SLC12A2: variants seen among roughly 807,000 people sequenced by gnomAD.
SLC12A2 encodes the protein Na-K-2Cl cotransporter 1.
Under a neutral mutation model 136.3 loss-of-function variants are expected in SLC12A2, and 67 were observed. The observed-to-expected ratio is 0.49, with a 90% CI of 0.40 to 0.60. The LOEUF is 0.60. Among genes scored for constraint, SLC12A2 ranks in the 20% least tolerant of loss-of-function variants. The pLI, the probability that SLC12A2 is intolerant of heterozygous loss-of-function variation, is 0.00. For missense variants in SLC12A2, 1,322 were observed against 1,534.7 expected, an observed-to-expected ratio of 0.86 and a Z score of 2.32; for synonymous variants, 619 against 562.9, an observed-to-expected ratio of 1.10 and a Z score of -1.41.
At chr5:128,120,144 C>A (rs1416473750) in intron 4 of SLC12A2, among the ~76,000 whole-genome samples, 1 of 152,116 alleles carries the variant, frequency 6.6e-6, no homozygotes, top group Non-Finnish European at 1.5e-5. Flanking sequence ...AAACGCAAAC[C>A]AAAACCACAA....
chr5:128,139,410 T>C (rs954324551), intron 9 of SLC12A2, among the ~76,000 whole-genome samples: 3 of 152,156 alleles, frequency 2.0e-5, no homozygotes, highest in African/African-American at 2.4e-5. Flanking sequence ...AAATTCTTAG[T>C]AAATTGAATG....
rs1561683413 is a variant in SLC12A2 at position 128,141,808 on chromosome 5, CTTG to C, written c.1622-17_1622-15del. On this transcript the variant is annotated intron_variant, in intron 9 of 26. Coordinates refer to ENST00000262461, the MANE Select transcript of SLC12A2 (RefSeq NM_001046.3). ...GAATGTAGATATTAACTATATTATTCTTGTTGTCACTTGTGCTTTAGGTTCTTG... is the reference window on the plus strand; with the variant it reads ...GAATGTAGATATTAACTATATTATTCTTGTCACTTGTGCTTTAGGTTCTTG... 1.9e-6 allele frequency: 3 copies of C among 1,601,112 alleles called. No homozygotes were observed. Among genetic ancestry groups the C allele is most frequent in the East Asian group, 2.2e-5 (1 of 44,506 alleles).
At chr5:128,085,193 G>C (rs1490455292) in intron 1 of SLC12A2, among the ~76,000 whole-genome samples, 2 of 151,816 alleles carry the variant, frequency 1.3e-5, no homozygotes, top group Non-Finnish European at 2.9e-5. Context: ...ACCTTAACAG[G>C]GTGTGTTTAT....
At position 128,159,294 on chromosome 5, in the gene SLC12A2, A is replaced by G. The variant is rs923497129; in HGVS notation, c.2475+1130A>G. ...GACTTAAACTTAAGACCTAAAACAT[A>G]AAAACCCTGTAAGAAAACATAGGCA... On this transcript the variant is annotated intron_variant, in intron 16 of 26. Coordinates refer to ENST00000262461, the MANE Select transcript of SLC12A2 (RefSeq NM_001046.3). 2.6e-5 allele frequency among the ~76,000 whole-genome samples: 4 copies of G among 152,330 alleles called. 1 individual carries two copies. Among genetic ancestry groups the G allele is most frequent in the African/African-American group, 9.6e-5 (4 of 41,580 alleles).
rs578028995 is a variant in SLC12A2, at chr5:128,181,703, C to T, written c.3212+709C>T. Among the ~76,000 whole-genome samples the T allele has an allele frequency of 9.2e-5, 14 of 152,110 alleles. No individual in the cohort carries two copies. In the South Asian group the frequency reaches 1.7e-3, roughly 18 times the overall value. On this transcript the variant is annotated intron_variant, in intron 23 of 26. Coordinates refer to ENST00000262461, the MANE Select transcript of SLC12A2 (RefSeq NM_001046.3). ...ATTGTTATAATGTAGCAGTCAAGGC[C>T]CTTGACAGTCTGTCCTCTCATTCCC...
intron 1 of SLC12A2, among the ~76,000 whole-genome samples, chr5:128,100,181 C>T (rs1253111733): frequency 6.6e-6 from 1 of 152,098 alleles, no homozygotes; most frequent in East Asian, 1.9e-4. Context: ...CCATTATAAT[C>T]TTATGGGACT....
intron 8 of SLC12A2, 38 bp downstream of exon 8, chr5:128,138,762 A>T (rs753195221): frequency 2.5e-6 from 4 of 1,599,470 alleles, no homozygotes; most frequent in Non-Finnish European, 3.4e-6. Flanking sequence ...TATATATTTT[A>T]AAAGTGGAAT....
At chr5:128,158,862 TG>T (rs1762945825) in intron 16 of SLC12A2, among the ~76,000 whole-genome samples, 3 of 96,770 alleles carry the variant, frequency 3.1e-5, no homozygotes, top group Non-Finnish European at 4.5e-5. Context: ...CACCAGCATC[TG>T]TGTTTTTTTT....
At chr5:128,157,182 A>G (rs1340434011) in intron 15 of SLC12A2, among the ~76,000 whole-genome samples, 1 of 152,164 alleles carries the variant, frequency 6.6e-6, no homozygotes, top group Non-Finnish European at 1.5e-5. Context: ...ACTTTCTGTT[A>G]TAGTTCATTT....
At chr5:128,095,146 A>G (rs540496893) in intron 1 of SLC12A2, among the ~76,000 whole-genome samples, 1 of 152,300 alleles carries the variant, frequency 6.6e-6, no homozygotes, top group East Asian at 1.9e-4. Context: ...TGTCTGGAAC[A>G]TTAGGTTCTC....
At chr5:128,134,073 C>T in intron 5 of SLC12A2, 92 bp from the exon 6 acceptor site, 1 of 655,678 alleles carries the variant, frequency 1.5e-6, no homozygotes. Flanking sequence ...TCATGTAAGG[C>T]ACCGTAATAT....
chr5:128,155,988 G>A (rs918159325), intron 15 of SLC12A2, among the ~76,000 whole-genome samples: 1 of 152,104 alleles, frequency 6.6e-6, no homozygotes, highest in Non-Finnish European at 1.5e-5. Flanking sequence ...GCCCCTAGCT[G>A]TTGCTGGTGA....
intron 18 of SLC12A2, chr5:128,170,406 C>T (rs970815490): frequency 6.6e-6 from 1 of 152,150 alleles, no homozygotes; most frequent in Non-Finnish European, 1.5e-5. Flanking sequence ...ATTGTCTCTC[C>T]ATGATTTAAA....
At chr5:128,110,028 A>G in intron 1 of SLC12A2, 1 of 1,065,008 alleles carries the variant, frequency 9.4e-7, no homozygotes, top group South Asian at 1.3e-5. Flanking sequence ...AATCCCAAAA[A>G]GACTTGGACA....
intron 16 of SLC12A2, among the ~76,000 whole-genome samples, chr5:128,160,811 C>A (rs568858695): frequency 1.3e-5 from 2 of 151,618 alleles, no homozygotes; most frequent in East Asian, 3.9e-4. Flanking sequence ...AATTGTTCTG[C>A]TTATACAGTG....
chr5:128,119,212 A>G (rs2126678717), intron 4 of SLC12A2, among the ~76,000 whole-genome samples: 1 of 152,318 alleles, frequency 6.6e-6, no homozygotes, highest in East Asian at 1.9e-4. Flanking sequence ...AAGGAAATGG[A>G]AAAATGCTGT....
intron 19 of SLC12A2, among the ~76,000 whole-genome samples, chr5:128,173,576 T>C (rs1763449440): frequency 6.6e-6 from 1 of 152,210 alleles, no homozygotes; most frequent in Admixed American, 6.5e-5. Flanking sequence ...AAATCTGCTT[T>C]AAAAATATCA....
At chr5:128,085,899 T>G (rs1421657064) in intron 1 of SLC12A2, among the ~76,000 whole-genome samples, 1 of 152,226 alleles carries the variant, frequency 6.6e-6, no homozygotes, top group Non-Finnish European at 1.5e-5. Context: ...CTTTAGATAA[T>G]ACTATTCTTG....
chr5:128,177,720 A>T (rs1489491024), intron 21 of SLC12A2: 5 of 152,308 alleles, frequency 3.3e-5, no homozygotes, highest in African/African-American at 7.2e-5. Context: ...CATATATCAC[A>T]GCAGCATGAA....
Sources: gnomAD v4.1 joint callset for allele counts (sites outside exome capture counted in the v4.1 genomes callset) on GRCh38, gnomAD v4.1.1 for gene constraint, MANE v1.5 for transcripts, NCBI Gene and HGNC (gene_info 2026-07-23, HGNC 2026-07-21) for gene names.